UNC80: variants seen among roughly 807,000 people sequenced by gnomAD.
UNC80 encodes unc-80 subunit of NALCN channel complex.
In UNC80, 164 loss-of-function variants were observed where a neutral mutation model predicts 384.6. The observed-to-expected ratio is 0.43, with a 90% confidence interval of 0.38 to 0.49. The LOEUF is 0.49. Ranked by LOEUF, UNC80 falls within the 20% of genes least tolerant of loss-of-function variation. UNC80 has a pLI of 0.00. For missense variants in UNC80, 3,330 were observed against 4,143.0 expected, an observed-to-expected ratio of 0.80 and a Z score of 5.39; for synonymous variants, 1,486 against 1,527.8, an observed-to-expected ratio of 0.97 and a Z score of 0.64.
chr2:209,928,424 G>C (rs999628944), intron 36 of UNC80, among the ~76,000 whole-genome samples: 1 of 152,126 alleles, frequency 6.6e-6, no homozygotes, highest in African/African-American at 2.4e-5. Context: ...AGTTGTTTCT[G>C]TGATGAGTGG....
At chr2:209,923,884 T>G (rs2090231887) in intron 35 of UNC80, among the ~76,000 whole-genome samples, 1 of 152,290 alleles carries the variant, frequency 6.6e-6, no homozygotes, top group African/African-American at 2.4e-5. Flanking sequence ...TTTTGCCTTT[T>G]GATTAGTCAG....
chr2:209,972,133 GTGTAAAAACAAACATA>G (rs2125013082), intron 54 of UNC80, 52 bp from the exon 55 acceptor site: 1 of 1,521,320 alleles, frequency 6.6e-7, no homozygotes, highest in East Asian at 2.5e-5. Context: ...CCATCATACT[GTGTAAAAACAAACATA>G]CTAAATGGGT....
At chr2:209,914,629 A>T (rs1192493954) in intron 31 of UNC80, among the ~76,000 whole-genome samples, 2 of 127,980 alleles carry the variant, frequency 1.6e-5, no homozygotes, top group Non-Finnish European at 1.5e-5. Context: ...TAAGTTTCTC[A>T]GGAATCCTTC....
intron 51 of UNC80, chr2:209,961,454 GTAT>G (rs1266402588): frequency 1.3e-5 from 2 of 152,138 alleles, no homozygotes; most frequent in Non-Finnish European, 2.9e-5. Context: ...TTACATTTAT[GTAT>G]TATTATATAA....
chr2:209,857,530 AT>A (rs530900963), intron 22 of UNC80, among the ~76,000 whole-genome samples: 3 of 151,572 alleles, frequency 2.0e-5, no homozygotes, highest in Non-Finnish European at 2.9e-5. Context: ...TGTCTATTTC[AT>A]TTTTTTAATC....
intron 24 of UNC80, among the ~76,000 whole-genome samples, 196 bp downstream of exon 24, chr2:209,878,285 G>A (rs879403604): frequency 5.3e-5 from 8 of 152,186 alleles, no homozygotes; most frequent in Non-Finnish European, 1.0e-4. Context: ...GAACCAGAAA[G>A]AGAAGACAGA....
At chr2:209,865,584 G>GAA (rs775839043) in intron 22 of UNC80, among the ~76,000 whole-genome samples, 14 of 119,114 alleles carry the variant, frequency 1.2e-4, no homozygotes, top group Admixed American at 1.8e-4. Flanking sequence ...CTCCGTCTCA[G>GAA]AAAAAAAAAA....
rs904769249 is a variant in UNC80, at chr2:209,954,288, A to C, written c.7457+18A>C. 4.1e-6 allele frequency: 6 copies of C among 1,471,180 alleles called. No homozygotes were observed. In the African/African-American group the frequency reaches 8.6e-5, roughly 21 times the overall value. 91.1% of individuals were successfully genotyped at this position (1,471,180 alleles called of 1,614,324 possible). ...CTCACCAGGTAATCCCATTGGCAGA[A>C]ATAGCTACAGCCTTACATCATATGT... On this transcript the variant is annotated intron_variant, in intron 48 of 64. Coordinates refer to ENST00000673920, the MANE Select transcript of UNC80 (RefSeq NM_001371986.1).
rs749409313 is a variant in UNC80 at position 209,831,439 on chromosome 2, C to T, written c.2627-4C>T. On this transcript the variant is annotated splice_region_variant and splice_polypyrimidine_tract_variant and intron_variant, in intron 15 of 64. Transcript: ENST00000673920. The stretch of plus-strand genomic sequence containing the variant: ...TGTCTTTAATTTGTGCCTTTGCATT[C>T]CAGACAAGGCTGGGTTTGGAAATAA... 1 of 1,545,722 alleles carries T rather than the reference C, an allele frequency of 6.5e-7. No individual in the cohort carries two copies. The highest frequency in any genetic ancestry group is 2.4e-5 in the East Asian group (1 of 40,830).
Position 209,819,238 on chromosome 2 carries a change from A to G in UNC80, c.1939A>G (p.Lys647Glu), listed in dbSNP as rs1394721365. The G allele has an allele frequency of 3.2e-6, 5 of 1,550,564 alleles. No homozygotes were observed. Among genetic ancestry groups the G allele is most frequent in the Non-Finnish European group, 4.4e-6 (5 of 1,146,314 alleles). ...TGACGGGACCAATAACTTTGTCCACAAGAATGGAATGCTTGATCTTTCTGT... is the reference window on the plus strand; with the variant it reads ...TGACGGGACCAATAACTTTGTCCACGAGAATGGAATGCTTGATCTTTCTGT... ...HIDGTNNFVH[K>E]NGMLDLSVVL... Residue 647 changes from lysine to glutamate, a missense_variant, in exon 12 of 65, where the codon AAG becomes GAG. By Grantham distance (56) the Lys-to-Glu change is moderately conservative (BLOSUM62 1). Transcript: ENST00000673920.
chr2:209,805,445 G>C (rs144904656), intron 7 of UNC80, among the ~76,000 whole-genome samples: 1 of 152,162 alleles, frequency 6.6e-6, no homozygotes, highest in Admixed American at 6.5e-5. Flanking sequence ...AGTTTCTGAG[G>C]ATCATGAATG....
At chr2:209,935,681 AAGTC>A (rs1403583284) in intron 39 of UNC80, 29 bp from the exon 40 acceptor site, 1 of 1,202,572 alleles carries the variant, frequency 8.3e-7, no homozygotes, top group Non-Finnish European at 1.1e-6. Flanking sequence ...TCTATAGTAA[AAGTC>A]AGTTTGTTAT....
intron 23 of UNC80, among the ~76,000 whole-genome samples, chr2:209,875,416 T>C (rs555425546): frequency 6.6e-6 from 1 of 152,294 alleles, no homozygotes; most frequent in African/African-American, 2.4e-5. Flanking sequence ...TTTAAATACT[T>C]TCCTCCTAAT....
At position 209,922,392 on chromosome 2, in the gene UNC80, T is replaced by C. The variant is rs1316705752; in HGVS notation, c.5662+9T>C. ...AGCCGTCAGTGCTGAAGGTGTGTCC[T>C]CTTGCATACGTTTTATTTCTCCTGA... On this transcript the variant is annotated intron_variant, in intron 35 of 64. Transcript: ENST00000673920. 12 of 1,550,496 alleles carry C rather than the reference T, an allele frequency of 7.7e-6. No individual in the cohort carries two copies. The highest frequency in any genetic ancestry group is 1.4e-5 in the African/African-American group (1 of 73,026).
At chr2:209,888,743 G>T (rs1269283998) in intron 26 of UNC80, among the ~76,000 whole-genome samples, 1 of 151,948 alleles carries the variant, frequency 6.6e-6, no homozygotes, top group African/African-American at 2.4e-5. Flanking sequence ...AGCCTCCCTA[G>T]TAGCTGGGAT....
chr2:209,791,819 CAAAAAAAAAAAAAAA>C (rs71043949), intron 6 of UNC80, among the ~76,000 whole-genome samples: 2 of 52,144 alleles, frequency 3.8e-5, no homozygotes, highest in Non-Finnish European at 6.4e-5. Flanking sequence ...GACTCCGTCT[CAAAAAAAAAAAAAAA>C]AAAAAAAAAA....
chr2:209,773,570 G>A (rs1429825505), intron 2 of UNC80, among the ~76,000 whole-genome samples: 1 of 152,198 alleles, frequency 6.6e-6, no homozygotes, highest in Non-Finnish European at 1.5e-5. Flanking sequence ...ACATGTTAAA[G>A]GAAATTAGCA....
chr2:209,876,202 C>T (rs1037301245), intron 23 of UNC80, among the ~76,000 whole-genome samples: 16 of 152,286 alleles, frequency 1.1e-4, no homozygotes, highest in Middle Eastern at 3.4e-3. Context: ...TGTTTGAATC[C>T]TGCTGAGCAA....
At chr2:209,803,623 C>T (rs2078697370) in intron 7 of UNC80, among the ~76,000 whole-genome samples, 2 of 152,334 alleles carry the variant, frequency 1.3e-5, no homozygotes, top group Non-Finnish European at 2.9e-5. Context: ...GTTCACTCCA[C>T]ATCAAGTCCT....
Sources: allele counts gnomAD v4.1 joint callset (sites outside exome capture counted in the v4.1 genomes callset), GRCh38; gene constraint gnomAD v4.1.1; transcripts MANE v1.5; gene names NCBI Gene and HGNC (gene_info 2026-07-23, HGNC 2026-07-21).